Variants in CIMAP1D observed in about 807,000 individuals in gnomAD.
The protein encoded by CIMAP1D is CIMAP1 family member D.
the CIMAP1D span, among the ~76,000 whole-genome samples, chr19:468,805 G>A: frequency 4.5e-5 from 2 of 44,526 alleles, no homozygotes; most frequent in South Asian, 5.7e-4. Context: ...CCACACCTTC[G>A]CCCTCCCCTG....
chr19:483,923 C>T, the CIMAP1D span, among the ~76,000 whole-genome samples: 1 of 152,142 alleles, frequency 6.6e-6, no homozygotes, highest in Non-Finnish European at 1.5e-5. Context: ...GGGGACGGTG[C>T]ACTCATGAGA....
the CIMAP1D span, among the ~76,000 whole-genome samples, chr19:468,263 T>C: frequency 6.6e-6 from 1 of 151,966 alleles, no homozygotes; most frequent in Admixed American, 6.6e-5. Flanking sequence ...CTCCTCGGAA[T>C]GCTGAAGGGG....
chr19:479,001 G>T, the CIMAP1D span, among the ~76,000 whole-genome samples: 4 of 152,252 alleles, frequency 2.6e-5, no homozygotes, highest in African/African-American at 9.6e-5. Context: ...TTACGTGAGT[G>T]CAGAGGGCAC....
At chr19:471,739 ACT>A in the CIMAP1D span, among the ~76,000 whole-genome samples, 2 of 72,674 alleles carry the variant, frequency 2.8e-5, no homozygotes, top group African/African-American at 1.4e-4. Context: ...ACTATTGTTA[ACT>A]TTTTTTTTTT....
chr19:488,349 C>T, the CIMAP1D span, among the ~76,000 whole-genome samples: 3 of 151,138 alleles, frequency 2.0e-5, no homozygotes, highest in Non-Finnish European at 2.9e-5. Flanking sequence ...GGTGAAACCC[C>T]GTCTCTACTA....
chr19:474,924 C>T, the CIMAP1D span: 1 of 502,798 alleles, frequency 2.0e-6, no homozygotes, highest in Admixed American at 4.3e-5. Context: ...GTCGTGGGGC[C>T]CTGGCCCAAG....
At chr19:490,751 G>A in the CIMAP1D span, among the ~76,000 whole-genome samples, 1 of 152,208 alleles carries the variant, frequency 6.6e-6, no homozygotes, top group Non-Finnish European at 1.5e-5. Context: ...ATCACTTGAG[G>A]TGGGGAGTTC....
chr19:486,170 G>A, the CIMAP1D span, among the ~76,000 whole-genome samples: 18 of 152,178 alleles, frequency 1.2e-4, no homozygotes, highest in African/African-American at 1.4e-4. Context: ...CGAGGACACC[G>A]AAGCTCAGAG....
At chr19:470,645 C>A in the CIMAP1D span, among the ~76,000 whole-genome samples, 1 of 152,190 alleles carries the variant, frequency 6.6e-6, no homozygotes, top group Admixed American at 6.5e-5. Context: ...TGAGAACAGG[C>A]TGCTGTCCTG....
At chr19:465,095 ATGGGTGAGTGGG>A in the CIMAP1D span, among the ~76,000 whole-genome samples, 2 of 64,728 alleles carry the variant, frequency 3.1e-5, no homozygotes, top group African/African-American at 1.2e-4. Context: ...GGATAGGTGG[ATGGGTGAGTGGG>A]TGGATGGATG....
At chr19:470,575 G>A in the CIMAP1D span, among the ~76,000 whole-genome samples, 2 of 152,122 alleles carry the variant, frequency 1.3e-5, no homozygotes, top group Non-Finnish European at 2.9e-5. Flanking sequence ...TGGCATTCTG[G>A]GACCCCTTGC....
At chr19:486,875 G>C in the CIMAP1D span, among the ~76,000 whole-genome samples, 4 of 151,906 alleles carry the variant, frequency 2.6e-5, no homozygotes, top group African/African-American at 7.2e-5. Context: ...GATTGTGCCA[G>C]TGCACTCCAG....
At chr19:471,819 C>T in the CIMAP1D span, among the ~76,000 whole-genome samples, 2,633 of 151,826 alleles carry the variant, frequency 0.017, 60 homozygotes, top group African/African-American at 0.051. Flanking sequence ...CTCGGCTCAC[C>T]GCAAGCTCCG....
the CIMAP1D span, among the ~76,000 whole-genome samples, chr19:487,053 A>T: frequency 1.3e-5 from 2 of 152,082 alleles, no homozygotes; most frequent in East Asian, 3.9e-4. Flanking sequence ...TGCCCGGCCT[A>T]TCGGGACCAC....
chr19:475,589 G>A, the CIMAP1D span, among the ~76,000 whole-genome samples: 1 of 152,112 alleles, frequency 6.6e-6, no homozygotes, highest in Non-Finnish European at 1.5e-5. Context: ...GAGGACAGCG[G>A]GGAGGTGAGA....
the CIMAP1D span, chr19:463,811 C>A: frequency 1.7e-5 from 1 of 58,214 alleles, no homozygotes; most frequent in Non-Finnish European, 2.1e-5. Flanking sequence ...GGCCCGCCAG[C>A]CCCCCGTTCA....
the CIMAP1D span, among the ~76,000 whole-genome samples, chr19:487,499 A>G: frequency 6.6e-6 from 1 of 152,202 alleles, no homozygotes; most frequent in Non-Finnish European, 1.5e-5. Context: ...CTTGGCATAC[A>G]GCAGGCACTC....
chr19:491,324 T>C, the CIMAP1D span, among the ~76,000 whole-genome samples: 2 of 152,140 alleles, frequency 1.3e-5, no homozygotes, highest in Non-Finnish European at 2.9e-5. Flanking sequence ...TTTATGGTGT[T>C]TGCGACGTCG....
At chr19:466,871 G>T in the CIMAP1D span, among the ~76,000 whole-genome samples, 1 of 113,156 alleles carries the variant, frequency 8.8e-6, no homozygotes, top group Non-Finnish European at 1.8e-5. Context: ...TGGATGAGTG[G>T]ATGGACGGGT....
Sources: gnomAD v4.1 joint callset for allele counts (sites outside exome capture counted in the v4.1 genomes callset) on GRCh38, gnomAD v4.1.1 for gene constraint, MANE v1.5 for transcripts, NCBI Gene and HGNC (gene_info 2026-07-23, HGNC 2026-07-21) for gene names.